Variants in CNBD1 observed in about 807,000 individuals in gnomAD.
CNBD1 encodes the protein cyclic nucleotide binding domain containing 1.
Under a neutral mutation model 54.4 loss-of-function variants are expected in CNBD1, and 71 were observed. The ratio of observed to expected loss-of-function variants is 1.30; its 90% confidence interval spans 1.08 to 1.59. The LOEUF (loss-of-function observed/expected upper bound fraction) is 1.59, where lower values mean the gene tolerates loss of function less well. Among genes scored for constraint, CNBD1 ranks in the 40% most tolerant of loss-of-function variants. The pLI is 0.00. For missense variants in CNBD1, 659 were observed against 518.0 expected (o/e 1.27, Z -2.64); for synonymous variants, 182 against 170.7 (o/e 1.07, Z -0.51).
intron 4 of CNBD1, among the ~76,000 whole-genome samples, chr8:87,073,826 G>A (rs144931537): frequency 2.7e-3 from 409 of 152,224 alleles, no homozygotes; most frequent in African/African-American, 9.6e-3. Flanking sequence ...TCTGGGCCGG[G>A]TGCAGTGGCT....
At chr8:87,385,428 G>A (rs578036640), downstream of CNBD1, among the ~76,000 whole-genome samples, 60 of 152,048 alleles carry the variant, frequency 3.9e-4, no homozygotes, top group African/African-American at 1.1e-3. Context: ...CTAATACTGC[G>A]CTTTTCCAAC....
intron 8 of CNBD1, among the ~76,000 whole-genome samples, chr8:87,329,627 G>C (rs1052493382): frequency 1.3e-5 from 2 of 151,870 alleles, no homozygotes; most frequent in Non-Finnish European, 1.5e-5. Context: ...TGTTAGATTT[G>C]TAACTGTTTC....
intron 5 of CNBD1, among the ~76,000 whole-genome samples, chr8:87,212,626 A>G (rs1490459544): frequency 1.3e-5 from 2 of 152,196 alleles, no homozygotes; most frequent in African/African-American, 2.4e-5. Context: ...TTTTCAACAA[A>G]TTATGCTTGG....
At chr8:87,362,861 A>T (rs866181249) in intron 10 of CNBD1, among the ~76,000 whole-genome samples, 1 of 152,000 alleles carries the variant, frequency 6.6e-6, no homozygotes, top group African/African-American at 2.4e-5. Flanking sequence ...GTTCATTCAA[A>T]TTGCATATTC....
chr8:87,368,077 G>C (rs1201019239), intron 10 of CNBD1, among the ~76,000 whole-genome samples: 1 of 151,834 alleles, frequency 6.6e-6, no homozygotes, highest in Non-Finnish European at 1.5e-5. Flanking sequence ...CAGGAGAATT[G>C]CTTGAACCCA....
intron 4 of CNBD1, among the ~76,000 whole-genome samples, chr8:86,956,381 G>T (rs896110426): frequency 7.9e-5 from 12 of 152,176 alleles, no homozygotes; most frequent in Non-Finnish European, 1.5e-4. Flanking sequence ...GTCATTGGTA[G>T]CTTGATGGGG....
At chr8:87,318,075 T>G (rs1026112556) in intron 8 of CNBD1, among the ~76,000 whole-genome samples, 11 of 151,982 alleles carry the variant, frequency 7.2e-5, no homozygotes, top group African/African-American at 2.7e-4. Flanking sequence ...TATTATGTTT[T>G]TACTTAAAAT....
At chr8:87,383,421 AT>A (rs1811126327), downstream of CNBD1, among the ~76,000 whole-genome samples, 1 of 152,102 alleles carries the variant, frequency 6.6e-6, no homozygotes, top group African/African-American at 2.4e-5. Flanking sequence ...TGCTCTAAAA[AT>A]GTCTGTTATT....
intron 2 of CNBD1, among the ~76,000 whole-genome samples, chr8:86,897,075 G>A (rs1257374504): frequency 2.0e-4 from 30 of 152,204 alleles, no homozygotes; most frequent in Non-Finnish European, 2.9e-5. Flanking sequence ...AGTGGCAGAT[G>A]TATAGGGAGA....
At chr8:87,400,187 T>C (rs940690422) in intron 2 of CNBD1, among the ~76,000 whole-genome samples, 1 of 152,004 alleles carries the variant, frequency 6.6e-6, no homozygotes, top group Non-Finnish European at 1.5e-5. Flanking sequence ...GCTAAAATCC[T>C]TTTCTACCTA....
At chr8:87,369,877 C>G (rs1810730685) in intron 10 of CNBD1, among the ~76,000 whole-genome samples, 3 of 151,932 alleles carry the variant, frequency 2.0e-5, no homozygotes, top group African/African-American at 7.3e-5. Flanking sequence ...TCCCTCCCCA[C>G]TCCCCCGACC....
At chr8:87,407,567 TG>T (rs1374671587) in intron 2 of CNBD1, among the ~76,000 whole-genome samples, 2 of 152,052 alleles carry the variant, frequency 1.3e-5, no homozygotes, top group Non-Finnish European at 2.9e-5. Context: ...TAGTACATAC[TG>T]AGAAACAATT....
intron 4 of CNBD1, among the ~76,000 whole-genome samples, chr8:87,164,226 T>C (rs1812914943): frequency 6.6e-6 from 1 of 151,952 alleles, no homozygotes; most frequent in African/African-American, 2.4e-5. Flanking sequence ...TTTGCATCCA[T>C]GTTTATTAGT....
chr8:87,417,248 C>T (rs939327390), intron 2 of CNBD1, among the ~76,000 whole-genome samples: 7 of 151,830 alleles, frequency 4.6e-5, no homozygotes, highest in African/African-American at 1.7e-4. Context: ...GGGGAACTGC[C>T]CTTCATAAAA....
At chr8:87,004,014 G>C (rs1328180404) in intron 4 of CNBD1, among the ~76,000 whole-genome samples, 4 of 152,006 alleles carry the variant, frequency 2.6e-5, no homozygotes, top group Non-Finnish European at 5.9e-5. Context: ...CACAGGTCAA[G>C]AATCAGCAAA....
chr8:87,087,235 A>ATATATATATACGTATATATATATATACG (rs1811113251), intron 4 of CNBD1, among the ~76,000 whole-genome samples: 2 of 141,010 alleles, frequency 1.4e-5, no homozygotes, highest in African/African-American at 5.6e-5. Flanking sequence ...ACACACACAC[A>ATATATATATACGTATATATATATATACG]TATATATATA....
At chr8:87,213,357 A>G (rs1368152447) in intron 5 of CNBD1, among the ~76,000 whole-genome samples, 1 of 152,186 alleles carries the variant, frequency 6.6e-6, no homozygotes, top group African/African-American at 2.4e-5. Flanking sequence ...TAATAAAGAC[A>G]TACCTGAGAC....
At chr8:86,931,039 T>C (rs2130403627) in intron 3 of CNBD1, among the ~76,000 whole-genome samples, 1 of 152,250 alleles carries the variant, frequency 6.6e-6, no homozygotes, top group Admixed American at 6.5e-5. Flanking sequence ...AGATAATAGC[T>C]CCAGCTTTGG....
chr8:87,314,789 A>G (rs2130893750), intron 8 of CNBD1, among the ~76,000 whole-genome samples: 1 of 152,106 alleles, frequency 6.6e-6, no homozygotes, highest in South Asian at 2.1e-4. Context: ...ATAGCACCCC[A>G]AATACTAAAT....
Sources: allele counts gnomAD v4.1 joint callset (sites outside exome capture counted in the v4.1 genomes callset), GRCh38; gene constraint gnomAD v4.1.1; transcripts MANE v1.5; gene names NCBI Gene and HGNC (gene_info 2026-07-23, HGNC 2026-07-21).